CNTNAP2: variants seen among roughly 807,000 people sequenced by gnomAD.
CNTNAP2 encodes contactin-associated protein-like 2.
Under a neutral mutation model 155.2 loss-of-function variants are expected in CNTNAP2, and 98 were observed. The observed-to-expected ratio is 0.63, with a 90% CI of 0.54 to 0.75. The LOEUF is 0.75. Ranked by LOEUF, CNTNAP2 falls within the 30% of genes least tolerant of loss-of-function variation. CNTNAP2 has a pLI of 0.00. For missense variants in CNTNAP2, 1,727 were observed against 1,688.1 expected (o/e 1.02, Z -0.40); for synonymous variants, 651 against 631.2 (o/e 1.03, Z -0.47).
chr7:148,027,489 T>A (rs1802395557), intron 15 of CNTNAP2, among the ~76,000 whole-genome samples: 1 of 152,236 alleles, frequency 6.6e-6, no homozygotes, highest in Admixed American at 6.5e-5. Flanking sequence ...GATTATGGGT[T>A]CATGGAATGT....
chr7:146,639,749 A>G (rs61425833), intron 1 of CNTNAP2, among the ~76,000 whole-genome samples: 27,423 of 152,214 alleles, frequency 0.18, 2,955 homozygotes, highest in East Asian at 0.49. Context: ...ATTATCTCAT[A>G]TAATAATCAG....
intron 1 of CNTNAP2, among the ~76,000 whole-genome samples, chr7:146,393,810 T>A (rs1724536): frequency 0.13 from 20,207 of 152,096 alleles, 1,645 homozygotes; most frequent in African/African-American, 0.23. Flanking sequence ...TACATAAAAA[T>A]TTATTAAATA....
intron 8 of CNTNAP2, among the ~76,000 whole-genome samples, chr7:147,275,699 T>C (rs1265241127): frequency 5.3e-5 from 8 of 152,250 alleles, no homozygotes; most frequent in Middle Eastern, 3.4e-3. Context: ...TCTAGTACTA[T>C]CTTGGAAAGT....
chr7:147,893,897 C>T (rs1799732779), intron 13 of CNTNAP2, among the ~76,000 whole-genome samples: 2 of 152,140 alleles, frequency 1.3e-5, no homozygotes. Context: ...TTTCCATTTC[C>T]AGTCCCTGGG....
At position 147,908,570 on chromosome 7, in the gene CNTNAP2, G is replaced by A. The variant is rs73462154; in HGVS notation, c.2255+4849G>A. Among the ~76,000 whole-genome samples, 505 of 152,238 alleles carry A rather than the reference G, an allele frequency of 3.3e-3. 2 individuals are homozygous for A. Among genetic ancestry groups the A allele is most frequent in the African/African-American group, 0.012 (480 of 41,526 alleles). On this transcript the variant is annotated intron_variant, in intron 14 of 23. Transcript: ENST00000361727. Reference sequence around the variant, plus strand: ...TGTAGTCTCTCTAACTAGGAGAAGTGAGGAACACTGTCCAGGCAACCTGGA... The same window carrying A: ...TGTAGTCTCTCTAACTAGGAGAAGTAAGGAACACTGTCCAGGCAACCTGGA...
At chr7:147,410,129 T>C (rs967993710) in intron 10 of CNTNAP2, among the ~76,000 whole-genome samples, 11 of 152,144 alleles carry the variant, frequency 7.2e-5, no homozygotes, top group African/African-American at 2.7e-4. Context: ...CTATTCACAA[T>C]AGCAAAGACA....
chr7:146,332,404 A>C (rs1801202321), intron 1 of CNTNAP2, among the ~76,000 whole-genome samples: 1 of 152,162 alleles, frequency 6.6e-6, no homozygotes, highest in East Asian at 1.9e-4. Flanking sequence ...GGAAAACTTA[A>C]ATTAAATATA....
At chr7:147,344,909 C>G (rs1195023830) in intron 9 of CNTNAP2, among the ~76,000 whole-genome samples, 1 of 151,974 alleles carries the variant, frequency 6.6e-6, no homozygotes, top group Admixed American at 6.6e-5. Flanking sequence ...AAATCAACAT[C>G]TCTTTGTTTT....
intron 11 of CNTNAP2, among the ~76,000 whole-genome samples, chr7:147,529,750 T>C (rs1470266162): frequency 6.6e-6 from 1 of 152,210 alleles, no homozygotes; most frequent in Admixed American, 6.5e-5. Context: ...GGCAATTTTA[T>C]CATTAGAGAT....
At chr7:146,965,010 G>A (rs1208089518) in intron 3 of CNTNAP2, among the ~76,000 whole-genome samples, 1 of 152,136 alleles carries the variant, frequency 6.6e-6, no homozygotes, top group Non-Finnish European at 1.5e-5. Context: ...CCCTCCTGGA[G>A]CTTATCATAT....
intron 1 of CNTNAP2, among the ~76,000 whole-genome samples, chr7:146,593,358 G>C (rs1467618286): frequency 2.0e-5 from 3 of 151,898 alleles, no homozygotes; most frequent in African/African-American, 7.3e-5. Flanking sequence ...CATGTTCCTG[G>C]AGCTCCCACT....
chr7:146,802,154 G>A lies in CNTNAP2; in HGVS notation c.208+27773G>A, dbSNP rs562459539. On this transcript the variant is annotated intron_variant, in intron 2 of 23. Transcript: ENST00000361727. ...TATAGGTCAGAAGTCCATGTGGACC[G>A]GACTGCATTCTCTGATATGGGTATC... Among the ~76,000 whole-genome samples the A allele has an allele frequency of 1.4e-3, 215 of 152,232 alleles. 2 individuals carry two copies. The highest frequency in any genetic ancestry group is 3.9e-3 in the South Asian group (19 of 4,828).
intron 1 of CNTNAP2, among the ~76,000 whole-genome samples, chr7:146,494,818 T>C (rs1385956280): frequency 6.6e-6 from 1 of 152,232 alleles, no homozygotes; most frequent in Non-Finnish European, 1.5e-5. Context: ...ATTTGATTAA[T>C]ATTTGTTTTT....
chr7:146,181,071 G>A (rs1318633300), intron 1 of CNTNAP2, among the ~76,000 whole-genome samples: 2 of 152,088 alleles, frequency 1.3e-5, no homozygotes, highest in Non-Finnish European at 2.9e-5. Flanking sequence ...TTATGAGTAG[G>A]AACTCTTTCA....
At position 146,577,870 on chromosome 7, in the gene CNTNAP2, A is replaced by G. The variant is rs138044050; in HGVS notation, c.98-196401A>G. 4.9e-3 allele frequency among the ~76,000 whole-genome samples: 752 copies of G among 152,224 alleles called. 3 individuals are homozygous for G. Among genetic ancestry groups the G allele is most frequent in the Non-Finnish European group, 6.8e-3 (462 of 67,986 alleles). ...AAAAAAGTGAAGAGTTTGAAAAGTC[A>G]GTCATTTTGTTTTCATTTTTTGACT... On this transcript the variant is annotated intron_variant, in intron 1 of 23. Coordinates refer to ENST00000361727, the MANE Select transcript of CNTNAP2 (RefSeq NM_014141.6).
At chr7:148,061,902 GATAGATAGATAAACAGAT>G (rs201385657) in intron 15 of CNTNAP2, among the ~76,000 whole-genome samples, 44 of 114,220 alleles carry the variant, frequency 3.9e-4, no homozygotes, top group East Asian at 8.6e-4. Context: ...TAGATAGATA[GATAGATAGATAAACAGAT>G]ATAGATAGAT....
At chr7:147,014,948 C>T (rs1411241866) in intron 3 of CNTNAP2, among the ~76,000 whole-genome samples, 1 of 151,960 alleles carries the variant, frequency 6.6e-6, no homozygotes, top group Non-Finnish European at 1.5e-5. Context: ...ATTATTAATG[C>T]CAAATGGAAA....
intron 1 of CNTNAP2, among the ~76,000 whole-genome samples, chr7:146,271,499 A>G (rs1010620357): frequency 1.3e-5 from 2 of 151,898 alleles, no homozygotes; most frequent in Non-Finnish European, 2.9e-5. Context: ...AATCAAAAGT[A>G]TTTTTAAAAA....
At chr7:147,376,872 A>T (rs1796443533) in intron 9 of CNTNAP2, among the ~76,000 whole-genome samples, 1 of 151,950 alleles carries the variant, frequency 6.6e-6, no homozygotes, top group Non-Finnish European at 1.5e-5. Context: ...ATACGTTTAT[A>T]CTATAGCACT....
Sources: allele counts gnomAD v4.1 joint callset (sites outside exome capture counted in the v4.1 genomes callset), GRCh38; gene constraint gnomAD v4.1.1; transcripts MANE v1.5; gene names NCBI Gene and HGNC (gene_info 2026-07-23, HGNC 2026-07-21).